Variants in KIAA1217 observed in about 807,000 individuals in gnomAD.
The protein encoded by KIAA1217 is sickle tail protein homolog.
KIAA1217 carries 88 observed loss-of-function variants against 163.9 expected under a neutral mutation model. That is an observed-to-expected ratio of 0.54 (90% CI 0.45 to 0.64). KIAA1217 has a LOEUF of 0.64. Ranked by LOEUF, KIAA1217 falls within the 30% of genes least tolerant of loss-of-function variation. KIAA1217 has a pLI of 0.00. For synonymous variants in KIAA1217, 903 were observed against 923.1 expected (o/e 0.98, Z 0.39); for missense variants, 2,372 against 2,475.0 (o/e 0.96, Z 0.88).
At chr10:24,309,358 A>G (rs967277218) in intron 2 of KIAA1217, among the ~76,000 whole-genome samples, 44 of 151,538 alleles carry the variant, frequency 2.9e-4, no homozygotes, top group East Asian at 2.7e-3. Flanking sequence ...GCGCACACAC[A>G]CACACACACA....
At chr10:24,315,126 G>C (rs16924567) in intron 2 of KIAA1217, among the ~76,000 whole-genome samples, 1 of 152,048 alleles carries the variant, frequency 6.6e-6, no homozygotes, top group Non-Finnish European at 1.5e-5. Flanking sequence ...CATGGAAAAG[G>C]TGTGCAGTAA....
chr10:24,157,876 A>G (rs1039770013), intron 2 of KIAA1217: 1 of 624,690 alleles, frequency 1.6e-6, no homozygotes, highest in South Asian at 2.0e-5. Flanking sequence ...CTGCATTAGG[A>G]TCTGAACCAA....
intron 2 of KIAA1217, among the ~76,000 whole-genome samples, chr10:24,337,577 G>T (rs1401606517): frequency 6.7e-6 from 1 of 149,424 alleles, no homozygotes; most frequent in East Asian, 2.0e-4. Context: ...CTTTGTTTTT[G>T]TTTTGTGTGG....
At chr10:23,958,543 A>G (rs1844669776) in intron 1 of KIAA1217, among the ~76,000 whole-genome samples, 1 of 152,226 alleles carries the variant, frequency 6.6e-6, no homozygotes, top group South Asian at 2.1e-4. Flanking sequence ...GTTTCTTTGT[A>G]TATTGAAATC....
chr10:24,411,333 G>A (rs1051441069), intron 3 of KIAA1217, among the ~76,000 whole-genome samples: 7 of 152,154 alleles, frequency 4.6e-5, no homozygotes, highest in African/African-American at 1.2e-4. Flanking sequence ...AGATATACAT[G>A]TGTTTTGCAA....
chr10:24,331,472 C>G (rs773458324), intron 2 of KIAA1217, among the ~76,000 whole-genome samples: 4 of 152,170 alleles, frequency 2.6e-5, no homozygotes, highest in Non-Finnish European at 5.9e-5. Context: ...ATTAAATAGA[C>G]GAAGTCACAA....
chr10:24,372,612 C>A (rs1339662094), intron 2 of KIAA1217, among the ~76,000 whole-genome samples: 1 of 152,116 alleles, frequency 6.6e-6, no homozygotes, highest in Non-Finnish European at 1.5e-5. Context: ...ATGTAACAAA[C>A]CTGCACGCCA....
intron 1 of KIAA1217, among the ~76,000 whole-genome samples, chr10:23,743,307 A>G (rs1241853881): frequency 1.3e-5 from 2 of 151,782 alleles, no homozygotes; most frequent in African/African-American, 2.4e-5. Flanking sequence ...TCCACCCAAC[A>G]CCTATTTCCA....
intron 2 of KIAA1217, among the ~76,000 whole-genome samples, chr10:24,265,218 T>C (rs1406428302): frequency 6.6e-6 from 1 of 152,218 alleles, no homozygotes; most frequent in African/African-American, 2.4e-5. Flanking sequence ...TATCTGGACT[T>C]GAGGGCTTCA....
chr10:24,309,348 G>GCACA (rs1249615764), intron 2 of KIAA1217, among the ~76,000 whole-genome samples: 42 of 125,468 alleles, frequency 3.3e-4, no homozygotes, highest in African/African-American at 7.8e-4. Context: ...GCACGCGCGC[G>GCACA]CGCACACACA....
chr10:24,362,830 A>C (rs940547292), intron 2 of KIAA1217, among the ~76,000 whole-genome samples: 2 of 152,080 alleles, frequency 1.3e-5, no homozygotes, highest in African/African-American at 2.4e-5. Flanking sequence ...GCAAAACCCT[A>C]TCTCTACTAA....
At chr10:23,938,750 G>A (rs2131329904) in intron 1 of KIAA1217, among the ~76,000 whole-genome samples, 1 of 152,138 alleles carries the variant, frequency 6.6e-6, no homozygotes, top group South Asian at 2.1e-4. Context: ...TCAGATTTTG[G>A]TACCCATGGG....
chr10:23,880,096 A>T (rs1445965472), intron 1 of KIAA1217, among the ~76,000 whole-genome samples: 1 of 151,898 alleles, frequency 6.6e-6, no homozygotes, highest in Non-Finnish European at 1.5e-5. Context: ...GGAAGGAGAG[A>T]TTAGAGGCCT....
At chr10:23,840,390 G>A (rs375957324) in intron 1 of KIAA1217, among the ~76,000 whole-genome samples, 21 of 152,138 alleles carry the variant, frequency 1.4e-4, no homozygotes, top group African/African-American at 4.6e-4. Context: ...CCTGACCTCA[G>A]GTGATCCACC....
intron 1 of KIAA1217, among the ~76,000 whole-genome samples, chr10:23,969,871 C>T (rs113249564): frequency 0.057 from 8,658 of 152,198 alleles, 827 homozygotes; most frequent in African/African-American, 0.2. Flanking sequence ...CACAGTTCCA[C>T]GTGGGTGGGG....
intron 2 of KIAA1217, among the ~76,000 whole-genome samples, chr10:24,223,539 C>G (rs938880454): frequency 6.6e-6 from 1 of 152,124 alleles, no homozygotes; most frequent in Admixed American, 6.5e-5. Flanking sequence ...ATCTGATGCT[C>G]TCCTCCAGAT....
At chr10:24,148,486 T>C (rs538371653) in intron 2 of KIAA1217, among the ~76,000 whole-genome samples, 4 of 152,000 alleles carry the variant, frequency 2.6e-5, no homozygotes, top group Non-Finnish European at 5.9e-5. Flanking sequence ...GTCATGGGAG[T>C]GGATCCCTCA....
At chr10:23,909,201 G>A (rs1018687301) in intron 1 of KIAA1217, among the ~76,000 whole-genome samples, 5 of 152,020 alleles carry the variant, frequency 3.3e-5, no homozygotes, top group African/African-American at 9.7e-5. Flanking sequence ...CAGACTCAGG[G>A]GGAAATGGTG....
chr10:23,898,884 A>G (rs1841829664), intron 1 of KIAA1217, among the ~76,000 whole-genome samples: 2 of 152,164 alleles, frequency 1.3e-5, no homozygotes, highest in South Asian at 2.1e-4. Flanking sequence ...CTCTAGATTC[A>G]TCTATGTTAT....
Sources: gnomAD v4.1 joint callset for allele counts (sites outside exome capture counted in the v4.1 genomes callset) on GRCh38, gnomAD v4.1.1 for gene constraint, MANE v1.5 for transcripts, NCBI Gene and HGNC (gene_info 2026-07-23, HGNC 2026-07-21) for gene names.